The following SHROOM3 variants were observed in gnomAD, a reference collection of about 807,000 sequenced individuals.
The protein encoded by SHROOM3 is protein Shroom3.
Under a neutral mutation model 138.6 loss-of-function variants are expected in SHROOM3, and 47 were observed. The ratio of observed to expected loss-of-function variants is 0.34; its 90% CI spans 0.27 to 0.43. The LOEUF is 0.43. Ranked by LOEUF, SHROOM3 falls within the 20% of genes least tolerant of loss-of-function variation. The probability of loss-of-function intolerance (pLI) is 1.00; values close to 1 mark genes in which losing one functional copy is unlikely to be tolerated. For missense variants in SHROOM3, 2,491 were observed against 2,596.5 expected, an observed-to-expected ratio of 0.96 and a Z score of 0.88; for synonymous variants, 1,062 against 1,063.3, an observed-to-expected ratio of 1.00 and a Z score of 0.02.
In SHROOM3 at chr4:76,674,554, C is replaced by CTTTTTTTTTTTT. The variant is rs11312421; in HGVS notation, c.324-35591_324-35580dup. On this transcript the variant is annotated intron_variant, in intron 2 of 10. Coordinates refer to ENST00000296043, the MANE Select transcript of SHROOM3 (RefSeq NM_020859.4). ...CTTTCTTTCTTTCCTTCCTTCCTTC[C>CTTTTTTTTTTTT]TTTTTTTTTTTTTTTTTTTTTTGTT... Among the ~76,000 whole-genome samples the CTTTTTTTTTTTT allele has an allele frequency of 9.2e-4, 95 of 103,282 alleles. 1 individual carries two copies. The highest frequency in any genetic ancestry group is 1.1e-3 in the Non-Finnish European group (56 of 53,326). The allele number at this position is 103,282 out of a possible 152,430, so 67.8% of individuals were successfully genotyped here.
At chr4:76,658,817 T>C (rs1017758692) in intron 2 of SHROOM3, among the ~76,000 whole-genome samples, 1 of 152,082 alleles carries the variant, frequency 6.6e-6, no homozygotes, top group African/African-American at 2.4e-5. Flanking sequence ...CATTTTTCAA[T>C]ATCAAAACCA....
At chr4:76,532,214 A>G (rs931782895) in intron 1 of SHROOM3, 2 of 152,088 alleles carry the variant, frequency 1.3e-5, no homozygotes, top group African/African-American at 2.4e-5. Context: ...AGCTTCATCC[A>G]TGTCCCTAAA....
chr4:76,734,415 T>C (rs1720968754), intron 4 of SHROOM3, among the ~76,000 whole-genome samples: 1 of 152,224 alleles, frequency 6.6e-6, no homozygotes, highest in South Asian at 2.1e-4. Context: ...TTTCCAAACA[T>C]ATTTAATCAT....
rs1278438816 is a variant in SHROOM3 at position 76,494,131 on chromosome 4, A to G, written c.168+57911A>G. On this transcript the variant is annotated intron_variant, in intron 1 of 10. Coordinates refer to ENST00000296043, the MANE Select transcript of SHROOM3 (RefSeq NM_020859.4). ...TCACGGCCCCCTCCCTAATTCAATTAATATCTGCTGGTGTGTGCCCCAGAT... is the reference window on the plus strand; with the variant it reads ...TCACGGCCCCCTCCCTAATTCAATTGATATCTGCTGGTGTGTGCCCCAGAT... Among the ~76,000 whole-genome samples the G allele has an allele frequency of 2.0e-5, 3 of 150,572 alleles. No individual in the cohort carries two copies. In the East Asian group the frequency reaches 5.9e-4, roughly 29 times the overall value.
chr4:76,695,457 A>G (rs1174134804), intron 2 of SHROOM3, among the ~76,000 whole-genome samples: 2 of 152,238 alleles, frequency 1.3e-5, no homozygotes, highest in Admixed American at 6.5e-5. Context: ...CTGTTACAGT[A>G]AGAAGAAAAG....
At chr4:76,734,410 A>C (rs1156390476) in intron 4 of SHROOM3, among the ~76,000 whole-genome samples, 1 of 152,250 alleles carries the variant, frequency 6.6e-6, no homozygotes, top group Non-Finnish European at 1.5e-5. Flanking sequence ...AATATTTTCC[A>C]AACATATTTA....
chr4:76,458,104 T>G (rs1731070067), intron 1 of SHROOM3, among the ~76,000 whole-genome samples: 1 of 152,220 alleles, frequency 6.6e-6, no homozygotes, highest in South Asian at 2.1e-4. Context: ...CACCCGGCTT[T>G]TCTTTATAAG....
At chr4:76,446,424 G>T (rs112225343) in intron 1 of SHROOM3, among the ~76,000 whole-genome samples, 108 of 73,948 alleles carry the variant, frequency 1.5e-3, no homozygotes, top group African/African-American at 3.3e-3. Flanking sequence ...TGGCGGCGGT[G>T]GGGGATGCAC....
chr4:76,741,570 C>T lies in SHROOM3; in HGVS notation c.3397C>T (p.Leu1133Phe), dbSNP rs935082510. The T allele has an allele frequency of 6.5e-7, 1 of 1,543,490 alleles. No individual in the cohort carries two copies. Among genetic ancestry groups the T allele is most frequent in the African/African-American group, 1.4e-5 (1 of 73,468 alleles). ...PGPAALEGSG[L>F]ASASSLSSLR... Reference sequence around the variant, plus strand: ...CCCCGCGGCGCTCGAAGGCTCCGGCCTCGCCTCGGCCTCCAGCTTGAGCTC... The same window carrying T: ...CCCCGCGGCGCTCGAAGGCTCCGGCTTCGCCTCGGCCTCCAGCTTGAGCTC... The change falls in exon 5 of 11, where the codon CTC becomes TTC. Residue 1133 changes from leucine to phenylalanine, a missense_variant. Transcript: ENST00000296043. This position sits in a 1 kb window ranked among gnomAD's most constrained non-coding sequence, Gnocchi z 6.2.
chr4:76,445,383 GA>G (rs1254311267), intron 1 of SHROOM3, among the ~76,000 whole-genome samples: 5 of 151,904 alleles, frequency 3.3e-5, no homozygotes, highest in Admixed American at 6.6e-5. Context: ...GTATTATTAA[GA>G]AAAAAAATAC....
At chr4:76,548,497 T>C (rs1733274561) in intron 1 of SHROOM3, among the ~76,000 whole-genome samples, 1 of 152,224 alleles carries the variant, frequency 6.6e-6, no homozygotes. Context: ...CACGTCAAGC[T>C]GTGACATAGG....
chr4:76,542,258 T>C (rs1165326418), intron 1 of SHROOM3, among the ~76,000 whole-genome samples: 1 of 152,198 alleles, frequency 6.6e-6, no homozygotes, highest in Non-Finnish European at 1.5e-5. Context: ...TCCCTGTTTC[T>C]CTGGAAAATA....
chr4:76,476,278 G>A (rs1351865088), intron 1 of SHROOM3, among the ~76,000 whole-genome samples: 4 of 152,170 alleles, frequency 2.6e-5, no homozygotes, highest in Non-Finnish European at 5.9e-5. Context: ...AAGCTTGTGT[G>A]CTTTGTACAC....
At chr4:76,759,162 G>T (rs1721916270) in intron 8 of SHROOM3, among the ~76,000 whole-genome samples, 1 of 152,206 alleles carries the variant, frequency 6.6e-6, no homozygotes, top group South Asian at 2.1e-4. Context: ...GGTTTGTGCA[G>T]CACCTTGAAA....
intron 2 of SHROOM3, among the ~76,000 whole-genome samples, chr4:76,658,618 C>A (rs1322195665): frequency 6.6e-6 from 1 of 152,076 alleles, no homozygotes; most frequent in Non-Finnish European, 1.5e-5. Context: ...GTAAATGTTA[C>A]ATCAAGCATT....
chr4:76,698,044 A>T (rs913022339), intron 2 of SHROOM3, among the ~76,000 whole-genome samples: 1 of 152,208 alleles, frequency 6.6e-6, no homozygotes, highest in Admixed American at 6.5e-5. Context: ...TTACTTTTCC[A>T]CAAATGGGCT....
chr4:76,746,052 T>C (rs1182867919), intron 5 of SHROOM3, among the ~76,000 whole-genome samples: 1 of 152,138 alleles, frequency 6.6e-6, no homozygotes, highest in Non-Finnish European at 1.5e-5. Flanking sequence ...ATCTCTAAGT[T>C]ACAGAAGAAG....
At chr4:76,695,228 C>T (rs1436248365) in intron 2 of SHROOM3, among the ~76,000 whole-genome samples, 3 of 152,144 alleles carry the variant, frequency 2.0e-5, no homozygotes, top group African/African-American at 7.2e-5. Context: ...CACAAGTCCA[C>T]CTGTGAGGTG....
At chr4:76,574,324 AG>A (rs1003319823) in intron 2 of SHROOM3, among the ~76,000 whole-genome samples, 2 of 152,180 alleles carry the variant, frequency 1.3e-5, no homozygotes, top group African/African-American at 4.8e-5. Context: ...GGTTGTCAAA[AG>A]TGTGATCATG....
Sources: gnomAD v4.1 joint callset for allele counts (sites outside exome capture counted in the v4.1 genomes callset) on GRCh38, gnomAD v4.1.1 for gene constraint, Gnocchi (gnomAD v3.1) non-coding constraint, MANE v1.5 for transcripts, NCBI Gene and HGNC (gene_info 2026-07-23, HGNC 2026-07-21) for gene names.